Variants in B3GLCT observed in about 807,000 individuals in gnomAD.
B3GLCT encodes the protein beta 3-glucosyltransferase.
Under a neutral mutation model 63.4 loss-of-function variants are expected in B3GLCT, and 65 were observed. That is an observed-to-expected ratio of 1.03 (90% CI 0.84 to 1.26). The LOEUF (loss-of-function observed/expected upper bound fraction) is 1.26, where lower values mean the gene tolerates loss of function less well. Among genes scored for constraint, B3GLCT ranks in the 50% most tolerant of loss-of-function variants. The pLI, the probability that B3GLCT is intolerant of heterozygous loss-of-function variation, is 0.00. For missense variants in B3GLCT, 577 were observed against 604.8 expected, an observed-to-expected ratio of 0.95 and a Z score of 0.48; for synonymous variants, 233 against 219.2, an observed-to-expected ratio of 1.06 and a Z score of -0.55.
At chr13:31,283,658 T>C (rs997695223) in intron 10 of B3GLCT, among the ~76,000 whole-genome samples, 3 of 152,094 alleles carry the variant, frequency 2.0e-5, no homozygotes, top group African/African-American at 7.2e-5. Context: ...GTATTTTCTA[T>C]ATAAGGGCTG....
At chr13:31,221,036 C>T (rs539044594) in intron 2 of B3GLCT, among the ~76,000 whole-genome samples, 12 of 152,230 alleles carry the variant, frequency 7.9e-5, no homozygotes, top group African/African-American at 2.2e-4. Context: ...GTTATCATGG[C>T]GGTGTGAGGA....
chr13:31,286,441 C>A lies in B3GLCT; in HGVS notation c.965-279C>A, dbSNP rs186871912. On this transcript the variant is annotated intron_variant, in intron 11 of 14. Transcript: ENST00000343307. ...ACTGAAGTTACTAATTCTATCTCTG[C>A]CTCAGATTATCTGTGTGACTGTGTA... 1.5e-3 allele frequency among the ~76,000 whole-genome samples: 224 copies of A among 152,284 alleles called. 2 individuals carry two copies. The highest frequency in any genetic ancestry group is 5.1e-3 in the African/African-American group (212 of 41,572).
chr13:31,201,010 TAAAAA>T (rs11463665), intron 1 of B3GLCT, among the ~76,000 whole-genome samples: 3 of 143,384 alleles, frequency 2.1e-5, no homozygotes, highest in African/African-American at 5.1e-5. Context: ...TGATAAAAGT[TAAAAA>T]AAAAAAAAAA....
intron 12 of B3GLCT, among the ~76,000 whole-genome samples, chr13:31,300,856 G>A (rs4941811): frequency 0.67 from 101,906 of 151,994 alleles, 36,159 homozygotes; most frequent in Middle Eastern, 0.8. Flanking sequence ...GCAAAGTTCA[G>A]GCCCCTCCCC....
intron 8 of B3GLCT, among the ~76,000 whole-genome samples, chr13:31,274,277 C>T (rs1872686653): frequency 6.6e-6 from 1 of 152,102 alleles, no homozygotes; most frequent in Admixed American, 6.5e-5. Context: ...TTTTGGAGGT[C>T]AGAATATTGA....
chr13:31,286,792 T>A lies in B3GLCT; in HGVS notation c.1037T>A (p.Val346Asp). Residue 346 changes from valine (V) to aspartate (D), a missense_variant, in exon 12 of 15, where the codon GTC (valine) becomes GAC (aspartate). Coordinates refer to ENST00000343307, the MANE Select transcript of B3GLCT (RefSeq NM_194318.4). The stretch of plus-strand genomic sequence containing the variant: ...AGCCAGGACAAAACAGCATGGTTAG[T>A]CATTGTGGATGATGATACATTAATA... ...NRSQDKTAWLVIVDDDTLISI... is the reference protein window; with the variant it reads ...NRSQDKTAWLDIVDDDTLISI... 1 of 1,612,690 alleles carries A rather than the reference T, an allele frequency of 6.2e-7. No individual in the cohort carries two copies. The highest frequency in any genetic ancestry group is 8.5e-7 in the Non-Finnish European group (1 of 1,178,844).
chr13:31,309,107 C>G (rs987728704), intron 12 of B3GLCT, among the ~76,000 whole-genome samples: 1 of 152,192 alleles, frequency 6.6e-6, no homozygotes, highest in Non-Finnish European at 1.5e-5. Flanking sequence ...GACTTCATAT[C>G]ACAGGTGATT....
At chr13:31,219,161 C>T (rs1344437662) in intron 2 of B3GLCT, among the ~76,000 whole-genome samples, 1 of 152,078 alleles carries the variant, frequency 6.6e-6, no homozygotes, top group Non-Finnish European at 1.5e-5. Flanking sequence ...AACGTCAGGC[C>T]AGTATCCCTG....
chr13:31,289,259 G>A (rs1873518975), intron 12 of B3GLCT, among the ~76,000 whole-genome samples: 1 of 152,030 alleles, frequency 6.6e-6, no homozygotes, highest in African/African-American at 2.4e-5. Flanking sequence ...TACACAAAAT[G>A]ACCAAACTTA....
At chr13:31,217,815 G>A (rs1869631367) in intron 2 of B3GLCT, among the ~76,000 whole-genome samples, 1 of 152,176 alleles carries the variant, frequency 6.6e-6, no homozygotes, top group African/African-American at 2.4e-5. Context: ...GAAGTACCAT[G>A]CTGTTTGGTT....
At chr13:31,206,591 A>C (rs1430105861) in intron 1 of B3GLCT, among the ~76,000 whole-genome samples, 1 of 151,518 alleles carries the variant, frequency 6.6e-6, no homozygotes, top group Non-Finnish European at 1.5e-5. Context: ...ATGCAAAAAA[A>C]AAAAAAAAAA....
chr13:31,222,223 C>T (rs1385994770), intron 2 of B3GLCT, among the ~76,000 whole-genome samples: 4 of 152,068 alleles, frequency 2.6e-5, no homozygotes, highest in South Asian at 4.2e-4. Flanking sequence ...GGACTACAGG[C>T]GCCTGCCATC....
chr13:31,279,957 G>A (rs1593293662), intron 10 of B3GLCT, among the ~76,000 whole-genome samples: 1 of 152,198 alleles, frequency 6.6e-6, no homozygotes, highest in East Asian at 1.9e-4. Context: ...AGTGAAATAT[G>A]GCTCTGTTCT....
chr13:31,290,088 A>C (rs929566323), intron 12 of B3GLCT, among the ~76,000 whole-genome samples: 1 of 151,438 alleles, frequency 6.6e-6, no homozygotes, highest in African/African-American at 2.4e-5. Context: ...TCCTTGTTCA[A>C]CTCCCACTTA....
At chr13:31,210,091 G>A (rs1409654002) in intron 1 of B3GLCT, among the ~76,000 whole-genome samples, 1 of 152,142 alleles carries the variant, frequency 6.6e-6, no homozygotes, top group Non-Finnish European at 1.5e-5. Flanking sequence ...TTAGTCCCAG[G>A]TTAGTTGTAA....
In B3GLCT at chr13:31,242,159, G is replaced by T. The variant is rs191564013; in HGVS notation, c.271-4864G>T. On this transcript the variant is annotated intron_variant, in intron 4 of 14. Transcript: ENST00000343307. ...TACCTCAGTTCTGAGGGGATCCAAAGCCTATTCTCTCTGCCTTGCTGCCTC... is the reference window on the plus strand; with the variant it reads ...TACCTCAGTTCTGAGGGGATCCAAATCCTATTCTCTCTGCCTTGCTGCCTC... Among the ~76,000 whole-genome samples the T allele has an allele frequency of 8.6e-5, 13 of 151,752 alleles. No individual in the cohort carries two copies. The East Asian group carries it at 2.5e-3, about 29-fold the overall frequency.
intron 4 of B3GLCT, among the ~76,000 whole-genome samples, chr13:31,237,309 T>A (rs1158393197): frequency 6.7e-6 from 1 of 150,208 alleles, no homozygotes; most frequent in East Asian, 2.0e-4. Context: ...AAAGTCACTT[T>A]AAAGAGGCAG....
chr13:31,320,399 G>A (rs1375333951), intron 13 of B3GLCT, among the ~76,000 whole-genome samples: 3 of 152,106 alleles, frequency 2.0e-5, no homozygotes, highest in Admixed American at 6.5e-5. Context: ...GAAAAGTTTT[G>A]TCTTCTACCC....
intron 7 of B3GLCT, among the ~76,000 whole-genome samples, chr13:31,265,155 T>C (rs1386514397): frequency 6.6e-6 from 1 of 152,216 alleles, no homozygotes; most frequent in Non-Finnish European, 1.5e-5. Context: ...CTCCAGACTA[T>C]TAACAGTTGC....
Sources: allele counts gnomAD v4.1 joint callset (sites outside exome capture counted in the v4.1 genomes callset), GRCh38; gene constraint gnomAD v4.1.1; transcripts MANE v1.5; gene names NCBI Gene and HGNC (gene_info 2026-07-23, HGNC 2026-07-21).